STK39: variants seen among roughly 807,000 people sequenced by gnomAD.
STK39 encodes serine/threonine kinase 39.
In STK39, 20 loss-of-function variants were observed where a neutral mutation model predicts 77.8. That is an observed-to-expected ratio of 0.26 (90% CI 0.18 to 0.37). The LOEUF (loss-of-function observed/expected upper bound fraction) is 0.37. STK39 is among the 10% of genes least tolerant of loss of function. The pLI is 1.00. For missense variants in STK39, 479 were observed against 656.5 expected (o/e 0.73, Z 2.95); for synonymous variants, 246 against 234.1 (o/e 1.05, Z -0.47).
At chr2:168,212,241 C>T (rs540835523) in intron 1 of STK39, among the ~76,000 whole-genome samples, 100 of 152,324 alleles carry the variant, frequency 6.6e-4, no homozygotes, top group Non-Finnish European at 1.3e-3. Context: ...ACAGACCAGA[C>T]GAATATATTC....
intron 1 of STK39, among the ~76,000 whole-genome samples, chr2:168,214,256 C>A (rs56127981): frequency 0.24 from 36,132 of 149,432 alleles, 4,681 homozygotes; most frequent in Non-Finnish European, 0.3. Context: ...ACAACAACAA[C>A]AAAAAAAAAA....
At chr2:167,976,822 T>G (rs1242496937) in intron 16 of STK39, among the ~76,000 whole-genome samples, 2 of 152,302 alleles carry the variant, frequency 1.3e-5, no homozygotes, top group East Asian at 3.9e-4. Context: ...GAGACTGGTC[T>G]GCATAATAAC....
chr2:168,085,027 T>C (rs1351940531), intron 10 of STK39, among the ~76,000 whole-genome samples: 1 of 152,208 alleles, frequency 6.6e-6, no homozygotes, highest in Non-Finnish European at 1.5e-5. Flanking sequence ...ACAAAGCATC[T>C]TGTGGTCATG....
At chr2:167,981,021 A>G (rs1056500218) in intron 16 of STK39, among the ~76,000 whole-genome samples, 3 of 151,912 alleles carry the variant, frequency 2.0e-5, no homozygotes, top group Non-Finnish European at 4.4e-5. Context: ...GATGTGAACT[A>G]AGACTTCACA....
intron 14 of STK39, among the ~76,000 whole-genome samples, chr2:168,058,453 A>G (rs935658603): frequency 1.4e-4 from 22 of 152,048 alleles, no homozygotes; most frequent in Admixed American, 1.4e-3. Flanking sequence ...AGATGATTCC[A>G]CTCATTTCAT....
At chr2:168,153,171 C>T (rs1688335291) in intron 5 of STK39, among the ~76,000 whole-genome samples, 1 of 152,188 alleles carries the variant, frequency 6.6e-6, no homozygotes, top group African/African-American at 2.4e-5. Flanking sequence ...AACTATTGCT[C>T]AATATTCTTT....
At chr2:168,089,316 T>C (rs1437906992) in intron 10 of STK39, among the ~76,000 whole-genome samples, 4 of 152,222 alleles carry the variant, frequency 2.6e-5, no homozygotes, top group Non-Finnish European at 5.9e-5. Flanking sequence ...TCATTATGAG[T>C]TACACTGTCA....
At chr2:168,019,147 T>G (rs1191300687) in intron 14 of STK39, among the ~76,000 whole-genome samples, 1 of 152,166 alleles carries the variant, frequency 6.6e-6, no homozygotes, top group Non-Finnish European at 1.5e-5. Context: ...ACTGTGCTTC[T>G]TTTAGGACCT....
chr2:168,113,767 T>G (rs1011929588), intron 10 of STK39, among the ~76,000 whole-genome samples: 1 of 152,086 alleles, frequency 6.6e-6, no homozygotes, highest in Non-Finnish European at 1.5e-5. Flanking sequence ...GAATGTCTGG[T>G]TAAAGGGCCC....
chr2:168,033,443 G>C (rs1684876640), intron 14 of STK39, among the ~76,000 whole-genome samples: 1 of 152,152 alleles, frequency 6.6e-6, no homozygotes, highest in Admixed American at 6.5e-5. Context: ...GGGATGGTGG[G>C]TTCAGCTCAG....
chr2:168,018,275 G>A (rs1045960694), intron 14 of STK39, among the ~76,000 whole-genome samples: 2 of 152,014 alleles, frequency 1.3e-5, no homozygotes, highest in Non-Finnish European at 2.9e-5. Context: ...TGAGGCAGGT[G>A]GATCACTTGA....
intron 16 of STK39, among the ~76,000 whole-genome samples, chr2:167,995,347 A>G (rs1240206012): frequency 1.3e-5 from 2 of 152,132 alleles, no homozygotes; most frequent in Non-Finnish European, 2.9e-5. Flanking sequence ...TGACCTCGTG[A>G]TGCACCTGCC....
At chr2:168,050,807 T>C (rs1319477242) in intron 14 of STK39, among the ~76,000 whole-genome samples, 6 of 152,248 alleles carry the variant, frequency 3.9e-5, no homozygotes, top group Admixed American at 1.3e-4. Flanking sequence ...TAATCTGTTA[T>C]AGCAGTGATA....
At chr2:168,027,131 G>A (rs1256357709) in intron 14 of STK39, among the ~76,000 whole-genome samples, 1 of 152,158 alleles carries the variant, frequency 6.6e-6, no homozygotes, top group Non-Finnish European at 1.5e-5. Flanking sequence ...AACAGTTTGT[G>A]CCCTCTATCT....
At chr2:168,198,606 C>G (rs921803159) in intron 1 of STK39, among the ~76,000 whole-genome samples, 2 of 152,178 alleles carry the variant, frequency 1.3e-5, no homozygotes, top group Admixed American at 1.3e-4. Flanking sequence ...GAATGACTCA[C>G]AAAGCACAGT....
intron 8 of STK39, among the ~76,000 whole-genome samples, chr2:168,132,894 T>C (rs1019924960): frequency 2.0e-5 from 3 of 152,116 alleles, no homozygotes; most frequent in Admixed American, 6.5e-5. Context: ...TAATCAAATA[T>C]GGGGGAAAGT....
intron 16 of STK39, among the ~76,000 whole-genome samples, chr2:167,980,257 G>A (rs1683379670): frequency 6.6e-6 from 1 of 152,152 alleles, no homozygotes; most frequent in Non-Finnish European, 1.5e-5. Flanking sequence ...CTTGTCACAT[G>A]AACCATGTGA....
intron 1 of STK39, among the ~76,000 whole-genome samples, chr2:168,217,388 T>C (rs1690050318): frequency 6.6e-6 from 1 of 152,228 alleles, no homozygotes; most frequent in Non-Finnish European, 1.5e-5. Flanking sequence ...ATACTCTGTT[T>C]CTTTATCGTA....
At chr2:167,998,372 T>C (rs896016057) in intron 16 of STK39, among the ~76,000 whole-genome samples, 4 of 152,256 alleles carry the variant, frequency 2.6e-5, no homozygotes, top group Non-Finnish European at 5.9e-5. Context: ...ATTAATGGAC[T>C]TGAAATGGCA....
Sources: allele counts gnomAD v4.1 joint callset (sites outside exome capture counted in the v4.1 genomes callset), GRCh38; gene constraint gnomAD v4.1.1; transcripts MANE v1.5; gene names NCBI Gene and HGNC (gene_info 2026-07-23, HGNC 2026-07-21).